The following MYH10 variants were observed in gnomAD, a reference collection of about 807,000 sequenced individuals.
MYH10 encodes myosin heavy chain 10.
A neutral mutation model predicts 257.8 loss-of-function variants in MYH10; 55 were observed. The observed-to-expected ratio is 0.21, with a 90% CI of 0.17 to 0.27. MYH10 has a LOEUF of 0.27. MYH10 is among the 10% of genes least tolerant of loss of function. The pLI, the probability that MYH10 is intolerant of heterozygous loss-of-function variation, is 1.00. For synonymous variants in MYH10, 854 were observed against 921.7 expected (o/e 0.93, Z 1.33); for missense variants, 1,631 against 2,500.6 (o/e 0.65, Z 7.42).
At chr17:8,577,088 A>C in intron 5 of MYH10, 148 bp downstream of exon 5, 1 of 578,892 alleles carries the variant, frequency 1.7e-6, no homozygotes, top group Non-Finnish European at 3.0e-6. Flanking sequence ...GGGTGGAAAA[A>C]AGCATTGCTG....
chr17:8,616,469 A>T (rs919782308), intron 2 of MYH10, among the ~76,000 whole-genome samples: 1 of 152,162 alleles, frequency 6.6e-6, no homozygotes, highest in Non-Finnish European at 1.5e-5. Flanking sequence ...CTACATAATG[A>T]TAACAATTAT....
chr17:8,616,848 A>T (rs1336405219), intron 2 of MYH10, among the ~76,000 whole-genome samples: 1 of 152,156 alleles, frequency 6.6e-6, no homozygotes, highest in African/African-American at 2.4e-5. Context: ...AAAATAGAGG[A>T]TTTACCACAC....
intron 38 of MYH10, 134 bp downstream of exon 38, chr17:8,481,188 T>C (rs1433479186): frequency 1.5e-5 from 12 of 790,072 alleles, no homozygotes; most frequent in African/African-American, 1.0e-4. Context: ...CGGGGTACCA[T>C]GGCTGAGGCA....
In MYH10 at chr17:8,477,186, T is replaced by TG. The variant is rs1912819603; in HGVS notation, c.5707-139dup. 1 of 912,300 alleles carries TG rather than the reference T, an allele frequency of 1.1e-6. No homozygotes were observed. Among genetic ancestry groups the TG allele is most frequent in the Non-Finnish European group, 1.6e-6 (1 of 622,538 alleles). 56.5% of individuals were successfully genotyped at this position (912,300 alleles called of 1,614,324 possible). The stretch of plus-strand genomic sequence containing the variant: ...GTGTACACGGATGTACACGCGTGCC[T>TG]GGGGGCTGGTCGGAGGCTCTGTAAC... On this transcript the variant is annotated intron_variant, in intron 41 of 42. Coordinates refer to ENST00000360416, the MANE Select transcript of MYH10 (RefSeq NM_001256012.3). This position sits in a 1 kb window ranked among gnomAD's most constrained non-coding sequence, Gnocchi z 4.2.
At chr17:8,549,903 C>G (rs946997890) in intron 9 of MYH10, among the ~76,000 whole-genome samples, 6 of 148,978 alleles carry the variant, frequency 4.0e-5, no homozygotes, top group Non-Finnish European at 6.0e-5. Flanking sequence ...TTGGCCAGGC[C>G]GGTCTCCAGC....
chr17:8,538,037 A>G (rs920031782), intron 14 of MYH10, among the ~76,000 whole-genome samples: 7 of 152,224 alleles, frequency 4.6e-5, no homozygotes, highest in South Asian at 2.1e-4. Flanking sequence ...AGGTGCCACC[A>G]CAGAGGATGT....
intron 3 of MYH10, among the ~76,000 whole-genome samples, chr17:8,601,132 TCCTTTCCATCTA>T (rs1675613683): frequency 1.3e-5 from 2 of 152,180 alleles, no homozygotes; most frequent in Non-Finnish European, 2.9e-5. Flanking sequence ...AGCAAAACTT[TCCTTTCCATCTA>T]CCCAGGTCAA....
At chr17:8,487,742 A>G in intron 35 of MYH10, 148 bp from the exon 36 acceptor site, 2 of 926,640 alleles carry the variant, frequency 2.2e-6, no homozygotes, top group Admixed American at 2.4e-5. Context: ...AACAGTTACT[A>G]TCAACAGAAA....
chr17:8,514,938 C>G (rs2081416918), intron 21 of MYH10, among the ~76,000 whole-genome samples: 1 of 152,172 alleles, frequency 6.6e-6, no homozygotes, highest in Non-Finnish European at 1.5e-5. Context: ...CCCTGCATTC[C>G]AGAGCACCAG....
At chr17:8,600,612 A>T (rs1490887327) in intron 3 of MYH10, among the ~76,000 whole-genome samples, 1 of 152,210 alleles carries the variant, frequency 6.6e-6, no homozygotes, top group Non-Finnish European at 1.5e-5. Flanking sequence ...ATGAAGTAAC[A>T]CAGGGCAATG....
Position 8,476,869 on chromosome 17 carries a change from T to C in MYH10, c.5879+7A>G. 2 of 1,603,388 alleles carry C rather than the reference T, an allele frequency of 1.2e-6. No homozygotes were observed. Among genetic ancestry groups the C allele is most frequent in the Non-Finnish European group, 1.7e-6 (2 of 1,176,828 alleles). On this transcript the variant is annotated splice_region_variant and intron_variant, in intron 42 of 42. Transcript: ENST00000360416. ...GCCTGTCAGCTCGGGGCCGCATGCC[T>C]GCTCACCTCAGCCGGTTCTTCAGGG...
chr17:8,566,895 T>C (rs965649579), intron 7 of MYH10, among the ~76,000 whole-genome samples: 1 of 152,170 alleles, frequency 6.6e-6, no homozygotes, highest in African/African-American at 2.4e-5. Context: ...AAATGACGGC[T>C]TAGTAGCAAT....
At position 8,545,970 on chromosome 17, in the gene MYH10, G is replaced by A. The variant is rs999502173; in HGVS notation, c.1279-370C>T. 6.6e-6 allele frequency among the ~76,000 whole-genome samples: 1 copy of A among 152,118 alleles called. No homozygotes were observed. On this transcript the variant is annotated intron_variant, in intron 12 of 42. Coordinates refer to ENST00000360416, the MANE Select transcript of MYH10 (RefSeq NM_001256012.3). The surrounding 1 kb of genome is among the most constrained non-coding windows in gnomAD (Gnocchi z 4.7). ...TGTGTTGGTCTGGTTCCCGAAGTAT[G>A]CAGATTTGTCTACTGGATTATCTAT...
intron 30 of MYH10, among the ~76,000 whole-genome samples, chr17:8,498,619 G>A (rs1429573051): frequency 1.3e-5 from 2 of 151,968 alleles, no homozygotes; most frequent in Non-Finnish European, 2.9e-5. Flanking sequence ...AGGCTGAGGG[G>A]GGCGGATCAC....
intron 6 of MYH10, among the ~76,000 whole-genome samples, chr17:8,573,596 T>C (rs2083414158): frequency 6.6e-6 from 1 of 152,206 alleles, no homozygotes; most frequent in South Asian, 2.1e-4. Flanking sequence ...AACTCTGTGC[T>C]AGACTTTGAG....
intron 21 of MYH10, among the ~76,000 whole-genome samples, chr17:8,517,073 G>A (rs367558558): frequency 5.3e-5 from 8 of 152,064 alleles, no homozygotes; most frequent in Non-Finnish European, 7.4e-5. Flanking sequence ...CCCAGGAGGC[G>A]GAGCTTGCAG....
intron 21 of MYH10, among the ~76,000 whole-genome samples, chr17:8,518,321 A>G (rs1007981034): frequency 3.3e-5 from 5 of 151,890 alleles, no homozygotes; most frequent in African/African-American, 1.2e-4. Context: ...TTTAGTAGAG[A>G]TGGGGTTTTG....
At chr17:8,553,645 A>G (rs1347282373) in intron 8 of MYH10, among the ~76,000 whole-genome samples, 1 of 152,220 alleles carries the variant, frequency 6.6e-6, no homozygotes, top group African/African-American at 2.4e-5. Context: ...TCAGAAGTAG[A>G]TGGTAAAAAG....
chr17:8,488,329 C>T lies in MYH10; in HGVS notation c.4885-735G>A, dbSNP rs558867134. On this transcript the variant is annotated intron_variant, in intron 35 of 42. Coordinates refer to ENST00000360416, the MANE Select transcript of MYH10 (RefSeq NM_001256012.3). ...CTGGAGTCCTTAAACCAAATCCTAA[C>T]GCCTCTGTCACCAATGATGAGGACC... is the stretch of plus-strand genomic sequence containing the variant. Among the ~76,000 whole-genome samples the T allele has an allele frequency of 4.9e-4, 75 of 152,262 alleles. 1 individual carries two copies. Among genetic ancestry groups the T allele is most frequent in the African/African-American group, 1.6e-3 (67 of 41,556 alleles).
Sources: gnomAD v4.1 joint callset for allele counts (sites outside exome capture counted in the v4.1 genomes callset) on GRCh38, gnomAD v4.1.1 for gene constraint, Gnocchi (gnomAD v3.1) non-coding constraint, MANE v1.5 for transcripts, NCBI Gene and HGNC (gene_info 2026-07-23, HGNC 2026-07-21) for gene names.